SRRM4: variants seen among roughly 807,000 people sequenced by gnomAD.
SRRM4 encodes the protein serine/arginine repetitive matrix protein 4.
A neutral mutation model predicts 68.9 loss-of-function variants in SRRM4; 33 were observed. The observed-to-expected ratio is 0.48, with a 90% CI of 0.36 to 0.64. The LOEUF is 0.64. Ranked by LOEUF, SRRM4 falls within the 30% of genes least tolerant of loss-of-function variation. The probability of loss-of-function intolerance (pLI) is 0.00; values close to 1 mark genes in which losing one functional copy is unlikely to be tolerated. For synonymous variants in SRRM4, 318 were observed against 318.8 expected (o/e 1.00, Z 0.03); for missense variants, 817 against 827.1 (o/e 0.99, Z 0.15).
In SRRM4 at chr12:119,064,294, G is replaced by T. The variant is rs79449005; in HGVS notation, c.132-37942G>T. 8.8e-3 allele frequency among the ~76,000 whole-genome samples: 1,343 copies of T among 152,240 alleles called. 20 individuals are homozygous for T. Among genetic ancestry groups the T allele is most frequent in the African/African-American group, 0.031 (1,274 of 41,534 alleles). On this transcript the variant is annotated intron_variant, in intron 1 of 12. Coordinates refer to ENST00000267260, the MANE Select transcript of SRRM4 (RefSeq NM_194286.4). Reference sequence around the variant, plus strand: ...TAAAATTTAACAAGCTATGTTATTGGCAAATAAACTATTTATTTCAGTGCT... The same window carrying T: ...TAAAATTTAACAAGCTATGTTATTGTCAAATAAACTATTTATTTCAGTGCT...
chr12:119,031,456 G>T (rs1303469082), intron 1 of SRRM4: 2 of 152,200 alleles, frequency 1.3e-5, no homozygotes, highest in African/African-American at 2.4e-5. Context: ...ACACTCAAGA[G>T]GAGGGGATTA....
intron 6 of SRRM4, among the ~76,000 whole-genome samples, chr12:119,123,396 G>A (rs1174627982): frequency 1.3e-5 from 2 of 152,156 alleles, no homozygotes; most frequent in Non-Finnish European, 2.9e-5. Flanking sequence ...ACTAAGCACA[G>A]ATAGAGTACA....
Position 119,154,274 on chromosome 12 carries a change from T to C in SRRM4, c.1423T>C (p.Ser475Pro). The C allele has an allele frequency of 6.2e-7, 1 of 1,609,776 alleles. No homozygotes were observed. Among genetic ancestry groups the C allele is most frequent in the Non-Finnish European group, 8.5e-7 (1 of 1,178,108 alleles). Residue 475 changes from serine to proline, a missense_variant, in exon 12 of 13, where the codon TCG becomes CCG. Physicochemically the swap from Ser to Pro is moderately conservative, Grantham distance 74 (BLOSUM62 -1). Transcript: ENST00000267260. This position sits in a 1 kb window ranked among gnomAD's most constrained non-coding sequence, Gnocchi z 4.7. ...GGATCCCAAATACAGTGAGAAGGAC[T>C]CGCAGCAGCGGGAGCGCGAGCGAGC... ...ERDPKYSEKD[S>P]QQRERERARR...
In SRRM4 at chr12:118,981,977, T is replaced by A. The variant is rs773727086; in HGVS notation, c.95T>A (p.Ile32Asn). ...GCCACCCCCCGTCCCGAGAGCATCA[T>A]TGTCGCCAGTATCACGGCCCGCAAG... The part of the protein sequence containing the change: ...AVATPRPESI[I>N]VASITARKPL... Residue 32 changes from isoleucine (I) to asparagine (N), a missense_variant, in exon 1 of 13, where the codon ATT becomes AAT. By Grantham distance (149) the Ile-to-Asn change is moderately radical. Transcript: ENST00000267260. 4 of 1,611,542 alleles carry A rather than the reference T, an allele frequency of 2.5e-6. No homozygotes were observed. Among genetic ancestry groups the A allele is most frequent in the Non-Finnish European group, 3.4e-6 (4 of 1,179,040 alleles).
intron 1 of SRRM4, among the ~76,000 whole-genome samples, chr12:119,057,021 C>T (rs1387074088): frequency 2.6e-5 from 4 of 152,140 alleles, no homozygotes; most frequent in Admixed American, 2.0e-4. Context: ...TACTCCCATT[C>T]AACAGATGAT....
intron 8 of SRRM4, among the ~76,000 whole-genome samples, chr12:119,135,881 A>C (rs1954324674): frequency 6.6e-6 from 1 of 152,098 alleles, no homozygotes; most frequent in Non-Finnish European, 1.5e-5. Flanking sequence ...TTTGGGCCTC[A>C]TATCCTTATC....
At chr12:119,122,337 A>AGGAAGGAT (rs1954227011) in intron 6 of SRRM4, among the ~76,000 whole-genome samples, 1 of 134,696 alleles carries the variant, frequency 7.4e-6, no homozygotes, top group Non-Finnish European at 1.6e-5. Context: ...GAAGGAAGGA[A>AGGAAGGAT]GGGGAGAGGG....
chr12:119,117,530 A>C (rs1295574543), intron 4 of SRRM4, among the ~76,000 whole-genome samples: 1 of 152,050 alleles, frequency 6.6e-6, no homozygotes, highest in Non-Finnish European at 1.5e-5. Flanking sequence ...ATGCTGGTGC[A>C]TGGGGATGCA....
chr12:119,044,260 C>T lies in SRRM4; in HGVS notation c.132-57976C>T, dbSNP rs114227710. Among the ~76,000 whole-genome samples, 810 of 152,332 alleles carry T rather than the reference C, an allele frequency of 5.3e-3. 18 individuals are homozygous for T. The highest frequency in any genetic ancestry group is 0.018 in the African/African-American group (767 of 41,566). ...AGGAAGACTTTCTATGTCAGTGGTG[C>T]TAGTCCCTCCCCAAGCCTTCTGGTG... On this transcript the variant is annotated intron_variant, in intron 1 of 12. Transcript: ENST00000267260.
chr12:119,033,412 TCCCAGCACTTAGG>T (rs1029054763), intron 1 of SRRM4, among the ~76,000 whole-genome samples: 11 of 152,168 alleles, frequency 7.2e-5, no homozygotes, highest in African/African-American at 2.4e-4. Context: ...ACACCTGTAA[TCCCAGCACTTAGG>T]GAGACGGAGG....
At chr12:118,995,934 A>G (rs1295025329) in intron 1 of SRRM4, among the ~76,000 whole-genome samples, 1 of 152,064 alleles carries the variant, frequency 6.6e-6, no homozygotes, top group Admixed American at 6.5e-5. Flanking sequence ...TCATTCACCC[A>G]TCCATCTATT....
chr12:119,047,673 C>G (rs1953715966), intron 1 of SRRM4, among the ~76,000 whole-genome samples: 1 of 152,212 alleles, frequency 6.6e-6, no homozygotes, highest in African/African-American at 2.4e-5. Context: ...GCACTCATTT[C>G]CCTGGACCAG....
intron 2 of SRRM4, among the ~76,000 whole-genome samples, chr12:119,103,778 G>A (rs2136042850): frequency 6.6e-6 from 1 of 152,290 alleles, no homozygotes; most frequent in East Asian, 1.9e-4. Flanking sequence ...CGAGGTGGGA[G>A]GATCACTTGA....
intron 1 of SRRM4, among the ~76,000 whole-genome samples, chr12:119,057,009 A>T (rs1461871234): frequency 6.6e-6 from 1 of 152,200 alleles, no homozygotes; most frequent in African/African-American, 2.4e-5. Flanking sequence ...GGTAAGCAAC[A>T]TTACTCCCAT....
At chr12:119,123,372 G>C (rs1954235540) in intron 6 of SRRM4, among the ~76,000 whole-genome samples, 1 of 152,226 alleles carries the variant, frequency 6.6e-6, no homozygotes, top group Non-Finnish European at 1.5e-5. Context: ...CACGTGTATT[G>C]AATGTGCTTT....
In SRRM4 at chr12:119,151,042, T is replaced by C; in HGVS notation, c.1102T>C (p.Cys368Arg). The change falls in exon 10 of 13, where the codon TGT becomes CGT. Residue 368 changes from cysteine to arginine, a missense_variant. By Grantham distance (180) the Cys-to-Arg change is radical. Coordinates refer to ENST00000267260, the MANE Select transcript of SRRM4 (RefSeq NM_194286.4). The part of the protein sequence containing the change: ...SRGFQSPCLE[C>R]AEVKKSSLVP... ...GGGATTTCAGTCACCGTGTCTGGAA[T>C]GTGCCGAAGTGAAGAAGTCCAGTTT... The C allele has an allele frequency of 1.9e-6, 3 of 1,614,012 alleles. No homozygotes were observed. Among genetic ancestry groups the C allele is most frequent in the Non-Finnish European group, 2.5e-6 (3 of 1,179,902 alleles).
At chr12:119,138,601 G>A (rs931703846) in intron 8 of SRRM4, among the ~76,000 whole-genome samples, 1 of 152,064 alleles carries the variant, frequency 6.6e-6, no homozygotes, top group African/African-American at 2.4e-5. Flanking sequence ...TGGTTCCCAG[G>A]GTGTCCTCAC....
At chr12:119,048,800 C>CT (rs1953723670) in intron 1 of SRRM4, among the ~76,000 whole-genome samples, 1 of 152,076 alleles carries the variant, frequency 6.6e-6, no homozygotes, top group African/African-American at 2.4e-5. Flanking sequence ...TAGCACTTGC[C>CT]TATAGTCCGA....
chr12:118,990,311 G>T (rs1445441664), intron 1 of SRRM4, among the ~76,000 whole-genome samples: 1 of 152,136 alleles, frequency 6.6e-6, no homozygotes, highest in African/African-American at 2.4e-5. Flanking sequence ...GCAACCAGGG[G>T]AGTCTCTAGA....
Sources: allele counts gnomAD v4.1 joint callset (sites outside exome capture counted in the v4.1 genomes callset), GRCh38; gene constraint gnomAD v4.1.1; non-coding constraint Gnocchi (gnomAD v3.1); transcripts MANE v1.5; gene names NCBI Gene and HGNC (gene_info 2026-07-23, HGNC 2026-07-21).